Variants in SSH3 observed in about 807,000 individuals in gnomAD.
SSH3 encodes the protein slingshot protein phosphatase 3.
In SSH3, 67 loss-of-function variants were observed where a neutral mutation model predicts 75.0. The ratio of observed to expected loss-of-function variants is 0.89; its 90% confidence interval spans 0.73 to 1.10. The LOEUF is 1.10. Ranked by LOEUF, SSH3 falls within the 50% of genes least tolerant of loss-of-function variation. The pLI is 0.00. For synonymous variants in SSH3, 318 were observed against 349.2 expected, an observed-to-expected ratio of 0.91 and a Z score of 1.00; for missense variants, 824 against 872.7, an observed-to-expected ratio of 0.94 and a Z score of 0.70.
At position 67,307,601 on chromosome 11, in the gene SSH3, C is replaced by T. The variant is rs1055504128; in HGVS notation, c.655C>T (p.Leu219Phe). The T allele has an allele frequency of 6.2e-7, 1 of 1,613,700 alleles. No individual in the cohort carries two copies. Among genetic ancestry groups the T allele is most frequent in the Non-Finnish European group, 8.5e-7 (1 of 1,180,022 alleles). ...ATGTGAGGCAGCTCTAGGCAGCGGC[C>T]TTGTACCGGGTGGCAGTGCCCTCAC... is the stretch of plus-strand genomic sequence containing the variant. ...QACEAALGSG[L>F]VPGGSALTWA... Residue 219 changes from leucine (L) to phenylalanine (F), a missense_variant, in exon 7 of 14, where the codon CTT (leucine) becomes TTT (phenylalanine). Transcript: ENST00000308127. The surrounding 1 kb of genome is among the most constrained non-coding windows in gnomAD (Gnocchi z 4.2).
rs547088389 is a variant in SSH3 at position 67,306,952 on chromosome 11, C to T, written c.454C>T (p.Pro152Ser). The T allele has an allele frequency of 6.2e-7, 1 of 1,612,632 alleles. No homozygotes were observed. Among genetic ancestry groups the T allele is most frequent in the Admixed American group, 1.7e-5 (1 of 59,976 alleles). The change falls in exon 4 of 14, where the codon CCT (proline) becomes TCT (serine). Residue 152 changes from proline (P) to serine (S), a missense_variant. By Grantham distance (74) the Pro-to-Ser change is moderately conservative. Coordinates refer to ENST00000308127, the MANE Select transcript of SSH3 (RefSeq NM_017857.4). ...GACGGTCCTCCTGGGCGTGGATTTC[C>T]CTGACAGCAGGTTCGAGCAGGGAGA... is the stretch of plus-strand genomic sequence containing the variant. ...DETVLLGVDF[P>S]DSSSPSCTLG...
chr11:67,304,690 G>A lies in SSH3; in HGVS notation c.105-83G>A, dbSNP rs946879261. 3.6e-6 allele frequency: 5 copies of A among 1,375,080 alleles called. No homozygotes were observed. The African/African-American group carries it at 4.3e-5, about 12-fold the overall frequency. 85.2% of individuals were successfully genotyped at this position (1,375,080 alleles called of 1,614,324 possible). On this transcript the variant is annotated intron_variant, in intron 2 of 13. Coordinates refer to ENST00000308127, the MANE Select transcript of SSH3 (RefSeq NM_017857.4). The stretch of plus-strand genomic sequence containing the variant: ...GAATCCGTGTAGACAAGGGCTGCAG[G>A]TGAATGTGATGCATGCTAGACTTTG...
chr11:67,308,473 C>T lies in SSH3; in HGVS notation c.1061+15C>T, dbSNP rs1040750021. The T allele has an allele frequency of 1.8e-5, 28 of 1,570,094 alleles. No homozygotes were observed. Among genetic ancestry groups the T allele is most frequent in the Non-Finnish European group, 2.3e-5 (27 of 1,158,292 alleles). On this transcript the variant is annotated intron_variant, in intron 10 of 13. Coordinates refer to ENST00000308127, the MANE Select transcript of SSH3 (RefSeq NM_017857.4). This position sits in a 1 kb window ranked among gnomAD's most constrained non-coding sequence, Gnocchi z 4.9. Reference sequence around the variant, plus strand: ...CAGAGGAACAGGTAGGGCTATGAGCCCCTCGGGCCACCCACCCCATCTTCC... The same window carrying T: ...CAGAGGAACAGGTAGGGCTATGAGCTCCTCGGGCCACCCACCCCATCTTCC...
chr11:67,303,788 G>A, intron 1 of SSH3, 97 bp downstream of exon 1: 1 of 1,294,968 alleles, frequency 7.7e-7, no homozygotes, highest in Non-Finnish European at 1.0e-6. Context: ...ACGGGGACAT[G>A]AGGAGGGGGC....
At position 67,308,120 on chromosome 11, in the gene SSH3, C is replaced by T. The variant is rs1861299703; in HGVS notation, c.886-54C>T. The T allele has an allele frequency of 6.3e-7, 1 of 1,592,428 alleles. No homozygotes were observed. On this transcript the variant is annotated intron_variant, in intron 8 of 13. Transcript: ENST00000308127. This position sits in a 1 kb window ranked among gnomAD's most constrained non-coding sequence, Gnocchi z 4.9. Reference sequence around the variant, plus strand: ...CTCAGAGGTCCCAGAGGGAAGGTGGCAGGTTGGGCACTAGGAGAGCCCCAG... The same window carrying T: ...CTCAGAGGTCCCAGAGGGAAGGTGGTAGGTTGGGCACTAGGAGAGCCCCAG...
Position 67,308,149 on chromosome 11 carries a change from C to T in SSH3, c.886-25C>T. ...TTGGGCACTAGGAGAGCCCCAGCCT[C>T]TCTTGCCCTGGGCTCTGCCTGCAGA... On this transcript the variant is annotated intron_variant, in intron 8 of 13. Transcript: ENST00000308127. The surrounding 1 kb of genome is among the most constrained non-coding windows in gnomAD (Gnocchi z 4.9). The T allele has an allele frequency of 6.2e-7, 1 of 1,608,530 alleles. No individual in the cohort carries two copies. The highest frequency in any genetic ancestry group is 8.5e-7 in the Non-Finnish European group (1 of 1,177,532).
chr11:67,309,484 G>A lies in SSH3; in HGVS notation c.1149G>A (p.Glu383=). 3 of 1,614,182 alleles carry A rather than the reference G, an allele frequency of 1.9e-6. No homozygotes were observed. Among genetic ancestry groups the A allele is most frequent in the Middle Eastern group, 1.6e-4 (1 of 6,062 alleles). The change falls in exon 11 of 14, where the codon GAG becomes GAA. Residue 383 remains glutamate, a synonymous_variant. Transcript: ENST00000308127. The part of the protein sequence containing the change: ...FTYHNVRLWD[E]ESAQLLPHWK... ...ACCACAATGTGCGCCTCTGGGATGA[G>A]GAGTCGGCCCAGCTGCTGCCGCACT...
intron 3 of SSH3, among the ~76,000 whole-genome samples, chr11:67,305,511 C>T (rs1254356871): frequency 6.6e-6 from 1 of 151,994 alleles, no homozygotes; most frequent in Non-Finnish European, 1.5e-5. Context: ...TTTGACAGGG[C>T]GAGGTCATGG....
intron 13 of SSH3, 60 bp from the exon 14 acceptor site, chr11:67,311,531 C>T: frequency 1.3e-6 from 2 of 1,598,450 alleles, no homozygotes; most frequent in Non-Finnish European, 8.5e-7. Flanking sequence ...CGGCTCTGTG[C>T]TTGGGCACCC....
Position 67,308,713 on chromosome 11 carries a change from G to A in SSH3, c.1061+255G>A, listed in dbSNP as rs1035423429. Among the ~76,000 whole-genome samples, 8 of 151,824 alleles carry A rather than the reference G, an allele frequency of 5.3e-5. No homozygotes were observed. The highest frequency in any genetic ancestry group is 9.7e-5 in the African/African-American group (4 of 41,342). On this transcript the variant is annotated intron_variant, in intron 10 of 13. Coordinates refer to ENST00000308127, the MANE Select transcript of SSH3 (RefSeq NM_017857.4). The surrounding 1 kb of genome is among the most constrained non-coding windows in gnomAD (Gnocchi z 4.9). Reference sequence around the variant, plus strand: ...GACAGAAACAAAGGGCCTCAGCCACGCCAAGACGAGAAGCAGCAGCGCATA... The same window carrying A: ...GACAGAAACAAAGGGCCTCAGCCACACCAAGACGAGAAGCAGCAGCGCATA...
At position 67,312,192 on chromosome 11, in the gene SSH3, A is replaced by C; in HGVS notation, c.*305A>C. The C allele has an allele frequency of 2.2e-6, 1 of 444,542 alleles. No homozygotes were observed. Among genetic ancestry groups the C allele is most frequent in the East Asian group, 4.5e-5 (1 of 22,034 alleles). The allele number at this position is 444,542 out of a possible 1,614,324, so 27.5% of individuals were successfully genotyped here. On this transcript the variant is annotated 3_prime_UTR_variant, in exon 14 of 14. Coordinates refer to ENST00000308127, the MANE Select transcript of SSH3 (RefSeq NM_017857.4). ...CAACAGCACCCTAGTTTCATTCTCA[A>C]CTCTAGCCCTGCACACTCACCTGTG...
rs907977331 is a variant in SSH3 at position 67,307,177 on chromosome 11, G to A, written c.536+64G>A. The A allele has an allele frequency of 2.4e-5, 39 of 1,596,424 alleles. No homozygotes were observed. The highest frequency in any genetic ancestry group is 8.0e-5 in the African/African-American group (6 of 74,760). The stretch of plus-strand genomic sequence containing the variant: ...AATAACTGAGTGTGACGGATGTGAC[G>A]GGGCCTGGGCACCAGGGTACAGTAG... On this transcript the variant is annotated intron_variant, in intron 5 of 13. Coordinates refer to ENST00000308127, the MANE Select transcript of SSH3 (RefSeq NM_017857.4). The surrounding 1 kb of genome is among the most constrained non-coding windows in gnomAD (Gnocchi z 4.2).
chr11:67,307,136 G>A lies in SSH3; in HGVS notation c.536+23G>A, dbSNP rs1789108765. On this transcript the variant is annotated intron_variant, in intron 5 of 13. Coordinates refer to ENST00000308127, the MANE Select transcript of SSH3 (RefSeq NM_017857.4). This position sits in a 1 kb window ranked among gnomAD's most constrained non-coding sequence, Gnocchi z 4.2. Reference sequence around the variant, plus strand: ...CGGGTAAGCAATGGCAACTGGAGGTGGGGGCTGGAGGGTGGAATAACTGAG... The same window carrying A: ...CGGGTAAGCAATGGCAACTGGAGGTAGGGGCTGGAGGGTGGAATAACTGAG... 2 of 1,611,288 alleles carry A rather than the reference G, an allele frequency of 1.2e-6. No homozygotes were observed. Among genetic ancestry groups the A allele is most frequent in the African/African-American group, 1.3e-5 (1 of 74,902 alleles).
chr11:67,307,492 G>A lies in SSH3; in HGVS notation c.602+56G>A. 1 of 1,613,246 alleles carries A rather than the reference G, an allele frequency of 6.2e-7. No individual in the cohort carries two copies. Among genetic ancestry groups the A allele is most frequent in the Non-Finnish European group, 8.5e-7 (1 of 1,179,668 alleles). On this transcript the variant is annotated intron_variant, in intron 6 of 13. Coordinates refer to ENST00000308127, the MANE Select transcript of SSH3 (RefSeq NM_017857.4). This position sits in a 1 kb window ranked among gnomAD's most constrained non-coding sequence, Gnocchi z 4.2. ...AGCCTCTCCTTCGAAGGAGGCTGCA[G>A]GGCCTGGGGAAGGGCAGCAAGGGAA...
chr11:67,310,053 C>A lies in SSH3; in HGVS notation c.1410-13C>A. 1 of 1,611,468 alleles carries A rather than the reference C, an allele frequency of 6.2e-7. No homozygotes were observed. ...GGGTCACTCAGAGCTGACTCAGGGC[C>A]ACCTCCTCACAGCCGCCAGAGCCAT... On this transcript the variant is annotated splice_polypyrimidine_tract_variant and intron_variant, in intron 12 of 13. Coordinates refer to ENST00000308127, the MANE Select transcript of SSH3 (RefSeq NM_017857.4).
chr11:67,310,638 C>T (rs193287023), intron 13 of SSH3, among the ~76,000 whole-genome samples: 7 of 152,214 alleles, frequency 4.6e-5, no homozygotes, highest in South Asian at 2.1e-4. Context: ...TGAGGGCAGG[C>T]GGAGGCACTG....
chr11:67,309,982 G>A lies in SSH3; in HGVS notation c.1409+14G>A, dbSNP rs970654943. On this transcript the variant is annotated intron_variant, in intron 12 of 13. Transcript: ENST00000308127. ...CCTGACGGCCAGGTATGGGATGGGA[G>A]CGAGTGGCAGGGGGTGAGTAGGTGG... 1.9e-6 allele frequency: 3 copies of A among 1,610,356 alleles called. No homozygotes were observed. In the African/African-American group the frequency reaches 4.0e-5, roughly 21 times the overall value.
chr11:67,308,439 G>C lies in SSH3; in HGVS notation c.1042G>C (p.Glu348Gln). 1 of 1,603,106 alleles carries C rather than the reference G, an allele frequency of 6.2e-7. No individual in the cohort carries two copies. The highest frequency in any genetic ancestry group is 8.5e-7 in the Non-Finnish European group (1 of 1,174,960). ...LGSEWNAANL[E>Q]ELQRNRVTHI... ...CTCAGAGTGGAACGCAGCAAACCTG[G>C]AGGAGCTGCAGAGGAACAGGTAGGG... Residue 348 changes from glutamate (E) to glutamine (Q), a missense_variant, in exon 10 of 14, where the codon GAG (glutamate) becomes CAG (glutamine). Transcript: ENST00000308127. The surrounding 1 kb of genome is among the most constrained non-coding windows in gnomAD (Gnocchi z 4.9).
chr11:67,308,963 C>G lies in SSH3; in HGVS notation c.1062-434C>G, dbSNP rs1250982200. ...GAAAAAGCCTTTTCTCCACCTTGCC[C>G]TGTCTCAGGGAAGAAGGAACTGCCC... On this transcript the variant is annotated intron_variant, in intron 10 of 13. Transcript: ENST00000308127. This position sits in a 1 kb window ranked among gnomAD's most constrained non-coding sequence, Gnocchi z 4.9. Among the ~76,000 whole-genome samples the G allele has an allele frequency of 2.6e-5, 4 of 152,150 alleles. No individual in the cohort carries two copies. Among genetic ancestry groups the G allele is most frequent in the African/African-American group, 9.7e-5 (4 of 41,428 alleles).
Sources: gnomAD v4.1 joint callset for allele counts (sites outside exome capture counted in the v4.1 genomes callset) on GRCh38, gnomAD v4.1.1 for gene constraint, Gnocchi (gnomAD v3.1) non-coding constraint, MANE v1.5 for transcripts, NCBI Gene and HGNC (gene_info 2026-07-23, HGNC 2026-07-21) for gene names.